AKAP1: variants seen among roughly 807,000 people sequenced by gnomAD.
AKAP1 encodes A-kinase anchoring protein 1.
In AKAP1, 32 loss-of-function variants were observed where a neutral mutation model predicts 79.8. The observed-to-expected ratio is 0.40, with a 90% CI of 0.30 to 0.54. The LOEUF (loss-of-function observed/expected upper bound fraction) is 0.54. Among genes scored for constraint, AKAP1 ranks in the 20% least tolerant of loss-of-function variants. The pLI, the probability that AKAP1 is intolerant of heterozygous loss-of-function variation, is 0.47. For missense variants in AKAP1, 961 were observed against 1,138.9 expected, an observed-to-expected ratio of 0.84 and a Z score of 2.25; for synonymous variants, 416 against 466.7, an observed-to-expected ratio of 0.89 and a Z score of 1.40.
chr17:57,112,082 T>C (rs1320944095), intron 4 of AKAP1, among the ~76,000 whole-genome samples, 158 bp downstream of exon 4: 5 of 152,140 alleles, frequency 3.3e-5, no homozygotes, highest in Admixed American at 2.6e-4. Context: ...CTTTTCCCCA[T>C]TTCAGGTGCC....
chr17:57,103,068 T>C (rs1230504933), intron 1 of AKAP1, among the ~76,000 whole-genome samples: 1 of 152,044 alleles, frequency 6.6e-6, no homozygotes. Flanking sequence ...GACAGCGAGA[T>C]AAAAGGAAAA....
At chr17:57,087,359 G>A (rs1279602201) in intron 1 of AKAP1, among the ~76,000 whole-genome samples, 2 of 152,256 alleles carry the variant, frequency 1.3e-5, no homozygotes, top group Admixed American at 1.3e-4. Context: ...CAGGGTGACA[G>A]TGGAGGTGTC....
intron 5 of AKAP1, among the ~76,000 whole-genome samples, chr17:57,113,621 G>C (rs865954764): frequency 8.8e-5 from 1 of 11,326 alleles, no homozygotes; most frequent in South Asian, 2.6e-3. Context: ...TTTTTTTTTT[G>C]AGACAGAGTC....
intron 1 of AKAP1, among the ~76,000 whole-genome samples, chr17:57,097,955 T>G (rs1050711730): frequency 2.0e-5 from 3 of 152,244 alleles, no homozygotes; most frequent in Non-Finnish European, 4.4e-5. Context: ...GCTTAGTCAC[T>G]GGGACCAACA....
chr17:57,106,857 C>T lies in AKAP1; in HGVS notation c.1393C>T (p.Leu465=), dbSNP rs779611189. The change falls in exon 2 of 11, where the codon CTG becomes TTG. Residue 465 remains leucine (L), a synonymous_variant. Coordinates refer to ENST00000337714, the MANE Select transcript of AKAP1 (RefSeq NM_003488.4). ...SAHHISLASC[L]ALTTPSEELP... Reference sequence around the variant, plus strand: ...ACACCACATCTCCCTGGCCTCCTGCCTGGCACTGACCACCCCCAGTGAAGA... The same window carrying T: ...ACACCACATCTCCCTGGCCTCCTGCTTGGCACTGACCACCCCCAGTGAAGA... 3.1e-6 allele frequency: 5 copies of T among 1,613,996 alleles called. No homozygotes were observed. In the African/African-American group the frequency reaches 6.7e-5, roughly 22 times the overall value.
intron 7 of AKAP1, 46 bp downstream of exon 7, chr17:57,116,307 G>A (rs751001397): frequency 6.2e-7 from 1 of 1,610,820 alleles, no homozygotes; most frequent in Non-Finnish European, 8.5e-7. Context: ...CTTGTTCTGG[G>A]ATGCGTGATC....
At chr17:57,116,584 C>T (rs538179658) in intron 7 of AKAP1, among the ~76,000 whole-genome samples, 34 of 152,204 alleles carry the variant, frequency 2.2e-4, no homozygotes, top group Non-Finnish European at 3.7e-4. Flanking sequence ...GGCAGTATAG[C>T]GAGACCTCAT....
chr17:57,097,761 A>G (rs1429296582), intron 1 of AKAP1, among the ~76,000 whole-genome samples: 1 of 152,244 alleles, frequency 6.6e-6, no homozygotes, highest in East Asian at 1.9e-4. Flanking sequence ...CACTGGAATA[A>G]TGGAAGAAAT....
chr17:57,088,425 G>A (rs1008059472), intron 1 of AKAP1, among the ~76,000 whole-genome samples: 4 of 152,196 alleles, frequency 2.6e-5, no homozygotes, highest in African/African-American at 9.7e-5. Flanking sequence ...GATAGTTACT[G>A]TGCTAGGTGA....
Position 57,086,797 on chromosome 17 carries a change from C to CTTTTTTTTTTTTTTTTT in AKAP1, c.-25+1411_-25+1412insTTTTTTTTTTTTTTTTT, listed in dbSNP as rs11373952. Reference sequence around the variant, plus strand: ...TGCTAAGTCCTTCCCAAATTAGTACCTTTTTTTTTTTTAACTCTTTATTTA... The same window carrying CTTTTTTTTTTTTTTTTT: ...TGCTAAGTCCTTCCCAAATTAGTACCTTTTTTTTTTTTTTTTTTTTTTTTTTTTTAACTCTTTATTTA... On this transcript the variant is annotated intron_variant, in intron 1 of 10. Transcript: ENST00000337714. The surrounding 1 kb of genome is among the most constrained non-coding windows in gnomAD (Gnocchi z 5.1). Among the ~76,000 whole-genome samples the CTTTTTTTTTTTTTTTTT allele has an allele frequency of 6.8e-6, 1 of 148,110 alleles. No individual in the cohort carries two copies.
At chr17:57,102,183 G>T (rs1047912918) in intron 1 of AKAP1, among the ~76,000 whole-genome samples, 11 of 152,172 alleles carry the variant, frequency 7.2e-5, no homozygotes, top group African/African-American at 2.7e-4. Context: ...CGATCCTCCT[G>T]TCTCTGCCTC....
intron 2 of AKAP1, among the ~76,000 whole-genome samples, chr17:57,108,959 C>A (rs1476987877): frequency 6.6e-6 from 1 of 152,222 alleles, no homozygotes; most frequent in Non-Finnish European, 1.5e-5. Context: ...CAGTCTTCCC[C>A]CAGAAGGGGT....
In AKAP1 at chr17:57,107,902, C is replaced by T. The variant is rs774754223; in HGVS notation, c.1714+724C>T. On this transcript the variant is annotated intron_variant, in intron 2 of 10. Transcript: ENST00000337714. ...GAGGCTTGAGCTTCCTGAGTTGTCG[C>T]TGTCACCTTTGCAGAAAGCCTCAGC... 3 of 1,241,488 alleles carry T rather than the reference C, an allele frequency of 2.4e-6. No individual in the cohort carries two copies. In the South Asian group the frequency reaches 3.7e-5, roughly 16 times the overall value. 76.9% of individuals were successfully genotyped at this position (1,241,488 alleles called of 1,614,324 possible). A position where few individuals can be genotyped will look rare whatever the true frequency, so the allele number is the denominator to read the frequency against.
chr17:57,097,155 C>A (rs1246265021), intron 1 of AKAP1, among the ~76,000 whole-genome samples: 1 of 152,194 alleles, frequency 6.6e-6, no homozygotes, highest in Non-Finnish European at 1.5e-5. Context: ...TGTTCCCTCC[C>A]ATGCCCAAAG....
In AKAP1 at chr17:57,119,825, T is replaced by G. The variant is rs576957503; in HGVS notation, c.2638-425T>G. Among the ~76,000 whole-genome samples, 8 of 130,366 alleles carry G rather than the reference T, an allele frequency of 6.1e-5. No individual in the cohort carries two copies. The South Asian group carries it at 2.1e-3, about 34-fold the overall frequency. 85.5% of individuals were successfully genotyped at this position (130,366 alleles called of 152,430 possible). A position where few individuals can be genotyped will look rare whatever the true frequency, so the allele number is the denominator to read the frequency against. ...AGCATAAGCCATGTCCCCCACCCTG[T>G]TACTCTTTTTTTTTTTTTTTTTTTT... On this transcript the variant is annotated intron_variant, in intron 10 of 10. Transcript: ENST00000337714.
chr17:57,099,245 A>G (rs1303480730), intron 1 of AKAP1, among the ~76,000 whole-genome samples: 3 of 152,142 alleles, frequency 2.0e-5, no homozygotes, highest in Admixed American at 1.3e-4. Flanking sequence ...TAACAAGGAA[A>G]AAAACACATC....
At chr17:57,114,205 C>A (rs1402400735) in intron 5 of AKAP1, among the ~76,000 whole-genome samples, 3 of 152,194 alleles carry the variant, frequency 2.0e-5, no homozygotes, top group Admixed American at 2.0e-4. Flanking sequence ...CTGTGGGACC[C>A]TCCCTGCCTG....
chr17:57,103,460 T>C (rs1795194696), intron 1 of AKAP1, among the ~76,000 whole-genome samples: 1 of 152,228 alleles, frequency 6.6e-6, no homozygotes, highest in South Asian at 2.1e-4. Context: ...TTCTGGTACA[T>C]GGATCGCACT....
chr17:57,107,579 C>T (rs1378188319), intron 2 of AKAP1, among the ~76,000 whole-genome samples: 2 of 152,162 alleles, frequency 1.3e-5, no homozygotes, highest in African/African-American at 4.8e-5. Flanking sequence ...TCAAGTGATC[C>T]TTCCGCCCTC....
Sources: allele counts gnomAD v4.1 joint callset (sites outside exome capture counted in the v4.1 genomes callset), GRCh38; gene constraint gnomAD v4.1.1; non-coding constraint Gnocchi (gnomAD v3.1); transcripts MANE v1.5; gene names NCBI Gene and HGNC (gene_info 2026-07-23, HGNC 2026-07-21).